The following TRIM66 variants were observed in gnomAD, a reference collection of about 807,000 sequenced individuals.
The protein encoded by TRIM66 is tripartite motif containing 66.
Under a neutral mutation model 148.2 loss-of-function variants are expected in TRIM66, and 99 were observed. The observed-to-expected ratio is 0.67, with a 90% CI of 0.57 to 0.79. The LOEUF (loss-of-function observed/expected upper bound fraction) is 0.79. Among genes scored for constraint, TRIM66 ranks in the 30% least tolerant of loss-of-function variants. The pLI is 0.00. For synonymous variants in TRIM66, 616 were observed against 635.9 expected, an observed-to-expected ratio of 0.97 and a Z score of 0.47; for missense variants, 1,666 against 1,697.9, an observed-to-expected ratio of 0.98 and a Z score of 0.33.
At chr11:8,619,561 G>C (rs936900686) in intron 22 of TRIM66, 26 bp from the exon 23 acceptor site, 1 of 1,498,250 alleles carries the variant, frequency 6.7e-7, no homozygotes, top group East Asian at 2.5e-5. Context: ...ATGAGGAGAA[G>C]GAGGCAAAGG....
chr11:8,650,644 C>T (rs2037280529), intron 7 of TRIM66, among the ~76,000 whole-genome samples: 1 of 152,126 alleles, frequency 6.6e-6, no homozygotes, highest in African/African-American at 2.4e-5. Flanking sequence ...TACACATTAA[C>T]TGAGTAATGC....
chr11:8,644,435 T>C (rs1481636671), intron 12 of TRIM66: 3 of 453,488 alleles, frequency 6.6e-6, no homozygotes, highest in Non-Finnish European at 8.9e-6. Flanking sequence ...ACCTCCTATT[T>C]CACAGAGAAA....
intron 15 of TRIM66, among the ~76,000 whole-genome samples, chr11:8,630,703 G>A: frequency 6.6e-6 from 1 of 151,992 alleles, no homozygotes; most frequent in African/African-American, 2.4e-5. Flanking sequence ...CCCCGTCCCT[G>A]TCCCTTTCCT....
Position 8,621,807 on chromosome 11 carries a change from A to C in TRIM66, c.3093T>G (p.Ser1031Arg). The C allele has an allele frequency of 6.5e-7, 1 of 1,546,510 alleles. No homozygotes were observed. The highest frequency in any genetic ancestry group is 2.5e-5 in the East Asian group (1 of 40,808). Residue 1031 changes from serine (S) to arginine (R), a missense_variant, in exon 19 of 25, where the codon AGT becomes AGG. By Grantham distance (110) the Ser-to-Arg change is moderately radical. This residue lies in a region of TRIM66 where 1,431 missense variants were observed against 1,412.4 expected (regional missense o/e 1.01). Coordinates refer to ENST00000646038, the MANE Select transcript of TRIM66 (RefSeq NM_001388022.1). Reference protein sequence around the residue: ...KENQSIRAFNSEHKIPYVRLE... With the variant: ...KENQSIRAFNREHKIPYVRLE... ...GTCGCACATAGGGAATCTTATGCTCACTATTGAAGGCTCTGCAGCAAGACA... is the reference window on the plus strand; with the variant it reads ...GTCGCACATAGGGAATCTTATGCTCCCTATTGAAGGCTCTGCAGCAAGACA...
chr11:8,621,501 T>C lies in TRIM66; in HGVS notation c.3255+144A>G, dbSNP rs541769257. 3.6e-5 allele frequency: 47 copies of C among 1,289,928 alleles called. No individual in the cohort carries two copies. In the African/African-American group the frequency reaches 4.8e-4, roughly 13 times the overall value. The allele number at this position is 1,289,928 out of a possible 1,614,324, so 79.9% of individuals were successfully genotyped here. ...CTCCTAATATGCATCTCACAGGACC[T>C]TGCAGCAGGGGACAACGTCTGGCCA... On this transcript the variant is annotated intron_variant, in intron 19 of 24. Coordinates refer to ENST00000646038, the MANE Select transcript of TRIM66 (RefSeq NM_001388022.1).
intron 16 of TRIM66, 75 bp from the exon 17 acceptor site, chr11:8,624,626 G>A (rs1430678372): frequency 6.8e-7 from 1 of 1,479,450 alleles, no homozygotes; most frequent in African/African-American, 1.4e-5. Flanking sequence ...GAACTGTTAA[G>A]CTAAGGTCAG....
chr11:8,628,612 C>CAAAAAAAAAAAA (rs750649249), intron 15 of TRIM66, among the ~76,000 whole-genome samples: 1 of 80,666 alleles, frequency 1.2e-5, no homozygotes, highest in Admixed American at 1.5e-4. Context: ...GACCCTGTCT[C>CAAAAAAAAAAAA]AAAAAAAAAA....
intron 6 of TRIM66, among the ~76,000 whole-genome samples, chr11:8,658,487 C>G (rs541523409): frequency 1.3e-5 from 2 of 152,260 alleles, no homozygotes; most frequent in East Asian, 1.9e-4. Context: ...GAACCTGCCC[C>G]GATCCGGCAG....
intron 6 of TRIM66, 61 bp downstream of exon 6, chr11:8,671,725 A>G (rs1006508670): frequency 5.3e-5 from 41 of 774,008 alleles, no homozygotes; most frequent in Admixed American, 1.1e-4. Flanking sequence ...TTCAGTTCCT[A>G]TGAAACAGGA....
chr11:8,624,352 G>A lies in TRIM66; in HGVS notation c.3019+7C>T, dbSNP rs1592022354. The A allele has an allele frequency of 1.3e-6, 2 of 1,549,736 alleles. No homozygotes were observed. The highest frequency in any genetic ancestry group is 2.7e-5 in the African/African-American group (2 of 73,048). On this transcript the variant is annotated splice_region_variant and intron_variant, in intron 17 of 24. Coordinates refer to ENST00000646038, the MANE Select transcript of TRIM66 (RefSeq NM_001388022.1). ...CCAACATGAAGGGCAGGCTGCTTGA[G>A]TCTCACCTTTTGGGTTCTGGTACTG...
chr11:8,661,205 C>T (rs890496443), intron 6 of TRIM66, among the ~76,000 whole-genome samples: 1 of 152,158 alleles, frequency 6.6e-6, no homozygotes, highest in African/African-American at 2.4e-5. Flanking sequence ...GAGGAAGAGC[C>T]AGACAGCCGG....
In TRIM66 at chr11:8,631,351, G is replaced by A. The variant is rs565026749; in HGVS notation, c.2311-6123C>T. On this transcript the variant is annotated intron_variant, in intron 15 of 24. Coordinates refer to ENST00000646038, the MANE Select transcript of TRIM66 (RefSeq NM_001388022.1). ...GGGATAAAGTAATGCAGATAGGGTG[G>A]TGTTCCACATAAATTAACTTTCCAG... 1.5e-3 allele frequency among the ~76,000 whole-genome samples: 222 copies of A among 152,330 alleles called. 3 individuals carry two copies. The highest frequency in any genetic ancestry group is 8.8e-5 in the Non-Finnish European group (6 of 68,028).
intron 22 of TRIM66, 114 bp from the exon 23 acceptor site, chr11:8,619,649 G>A: frequency 2.8e-6 from 3 of 1,070,654 alleles, no homozygotes; most frequent in Non-Finnish European, 3.9e-6. Flanking sequence ...TGAAAGAATA[G>A]GAAGAGGAAT....
At chr11:8,619,787 T>C (rs2034026120) in intron 22 of TRIM66, among the ~76,000 whole-genome samples, 1 of 152,206 alleles carries the variant, frequency 6.6e-6, no homozygotes, top group African/African-American at 2.4e-5. Flanking sequence ...GGAATGGCCA[T>C]GGCCCTACGG....
intron 20 of TRIM66, 39 bp downstream of exon 20, chr11:8,620,993 C>T: frequency 1.3e-6 from 2 of 1,536,034 alleles, no homozygotes; most frequent in Non-Finnish European, 1.8e-6. Context: ...GAAGGTAACC[C>T]TACTAGCCAG....
rs2038962966 is a variant in TRIM66, at chr11:8,672,039, G to C, written c.87C>G (p.Ala29=). Reference sequence around the variant, plus strand: ...CAGCCATGCCTGTGCCCAGGACTGGGGCTTTTCCACTGATATCCTCAGGTG... The same window carrying C: ...CAGCCATGCCTGTGCCCAGGACTGGCGCTTTTCCACTGATATCCTCAGGTG... ...CFSPEDISGK[A]PVLGTGMAVD... The change falls in exon 6 of 25, where the codon GCC becomes GCG. Residue 29 remains alanine (A), a synonymous_variant. Coordinates refer to ENST00000646038, the MANE Select transcript of TRIM66 (RefSeq NM_001388022.1). 1 of 1,535,802 alleles carries C rather than the reference G, an allele frequency of 6.5e-7. No individual in the cohort carries two copies. The highest frequency in any genetic ancestry group is 1.4e-5 in the African/African-American group (1 of 73,172).
intron 23 of TRIM66, 200 bp downstream of exon 23, chr11:8,619,183 G>A (rs2033959584): frequency 1.4e-6 from 1 of 727,306 alleles, no homozygotes; most frequent in Admixed American, 2.9e-5. Flanking sequence ...CCACTCACTA[G>A]TACCTCCCCT....
intron 6 of TRIM66, among the ~76,000 whole-genome samples, chr11:8,668,231 T>A (rs974332733): frequency 6.6e-6 from 1 of 152,202 alleles, no homozygotes; most frequent in East Asian, 1.9e-4. Flanking sequence ...TGGAGAAATG[T>A]ATATTCAAGT....
chr11:8,665,696 G>A (rs1020839487), intron 6 of TRIM66, among the ~76,000 whole-genome samples: 5 of 152,200 alleles, frequency 3.3e-5, no homozygotes, highest in African/African-American at 4.8e-5. Flanking sequence ...GGTGGCTCAT[G>A]CCTGTAATCC....
Sources: allele counts gnomAD v4.1 joint callset (sites outside exome capture counted in the v4.1 genomes callset), GRCh38; gene constraint gnomAD v4.1.1; regional missense constraint gnomAD v4.1.1; transcripts MANE v1.5; gene names NCBI Gene and HGNC (gene_info 2026-07-23, HGNC 2026-07-21).